GAPVD1: variants seen among roughly 807,000 people sequenced by gnomAD.
The protein encoded by GAPVD1 is GTPase activating protein and VPS9 domains 1.
GAPVD1 carries 35 observed loss-of-function variants against 155.5 expected under a neutral mutation model. The ratio of observed to expected loss-of-function variants is 0.23; its 90% confidence interval spans 0.17 to 0.30. The LOEUF (loss-of-function observed/expected upper bound fraction) is 0.30, where lower values mean the gene tolerates loss of function less well. GAPVD1 is among the 10% of genes least tolerant of loss of function. The pLI, the probability that GAPVD1 is intolerant of heterozygous loss-of-function variation, is 1.00. For synonymous variants in GAPVD1, 636 were observed against 619.7 expected, an observed-to-expected ratio of 1.03 and a Z score of -0.39; for missense variants, 1,429 against 1,775.7, an observed-to-expected ratio of 0.80 and a Z score of 3.51.
intron 9 of GAPVD1, among the ~76,000 whole-genome samples, chr9:125,313,147 T>C (rs570874817): frequency 3.3e-5 from 5 of 151,998 alleles, no homozygotes; most frequent in African/African-American, 9.6e-5. Context: ...AGGGCACTTA[T>C]TCCATTTGTG....
chr9:125,353,342 C>T (rs1021547687), intron 23 of GAPVD1, among the ~76,000 whole-genome samples: 12 of 152,142 alleles, frequency 7.9e-5, no homozygotes, highest in Admixed American at 4.6e-4. Flanking sequence ...TGGACCTTAT[C>T]GTTCATATCA....
chr9:125,264,351 C>A (rs925369787), intron 1 of GAPVD1, among the ~76,000 whole-genome samples: 2 of 152,066 alleles, frequency 1.3e-5, no homozygotes, highest in Non-Finnish European at 2.9e-5. Context: ...CCAGCCACCA[C>A]GCCTGGATAA....
At chr9:125,264,003 G>C in intron 1 of GAPVD1, 1 of 1,325,810 alleles carries the variant, frequency 7.5e-7, no homozygotes, top group East Asian at 2.3e-5. Flanking sequence ...TTGTCTGCCA[G>C]CTCTGGGTGC....
intron 12 of GAPVD1, among the ~76,000 whole-genome samples, chr9:125,327,238 C>G (rs1371554707): frequency 6.6e-6 from 1 of 151,978 alleles, no homozygotes; most frequent in African/African-American, 2.4e-5. Flanking sequence ...TGTATATACA[C>G]TAAAATTCGC....
intron 9 of GAPVD1, among the ~76,000 whole-genome samples, chr9:125,321,150 A>G (rs1844280976): frequency 6.6e-6 from 1 of 152,180 alleles, no homozygotes; most frequent in African/African-American, 2.4e-5. Flanking sequence ...TGCTGACACC[A>G]AAGACTTCTG....
intron 4 of GAPVD1, among the ~76,000 whole-genome samples, chr9:125,300,610 C>A (rs1220731170): frequency 6.6e-6 from 1 of 151,998 alleles, no homozygotes; most frequent in Non-Finnish European, 1.5e-5. Flanking sequence ...TGACAGAAAT[C>A]AGAATAATGG....
rs573108819 is a variant in GAPVD1, at chr9:125,363,050, G to C, written c.*304G>C. On this transcript the variant is annotated 3_prime_UTR_variant, in exon 28 of 28. Coordinates refer to ENST00000297933, the MANE Select transcript of GAPVD1 (RefSeq NM_001282680.3). Reference sequence around the variant, plus strand: ...TAAAAAACAAAACAAAAATCTCTTAGGAAATGTCTAGACCTCCATTCTTGG... The same window carrying C: ...TAAAAAACAAAACAAAAATCTCTTACGAAATGTCTAGACCTCCATTCTTGG... 136 of 167,684 alleles carry C rather than the reference G, an allele frequency of 8.1e-4. 3 individuals are homozygous for C. In the South Asian group the frequency reaches 8.9e-3, roughly 11 times the overall value. The allele number at this position is 167,684 out of a possible 1,614,324, so 10.4% of individuals were successfully genotyped here. A position where few individuals can be genotyped will look rare whatever the true frequency, so the allele number is the denominator to read the frequency against.
At chr9:125,317,691 G>A (rs1213722596) in intron 9 of GAPVD1, among the ~76,000 whole-genome samples, 1 of 150,984 alleles carries the variant, frequency 6.6e-6, no homozygotes, top group East Asian at 1.9e-4. Flanking sequence ...ACAGACATTG[G>A]ACTTACTCAA....
At chr9:125,265,922 T>C (rs1324508508) in intron 1 of GAPVD1, among the ~76,000 whole-genome samples, 2 of 125,028 alleles carry the variant, frequency 1.6e-5, no homozygotes, top group Non-Finnish European at 3.4e-5. Flanking sequence ...AGAAAAAATT[T>C]ATAAAAAAAA....
rs568265215 is a variant in GAPVD1 at position 125,317,714 on chromosome 9, A to AT, written c.1603-3709dup. Among the ~76,000 whole-genome samples the AT allele has an allele frequency of 7.9e-3, 1,182 of 150,024 alleles. 11 individuals carry two copies. The highest frequency in any genetic ancestry group is 0.018 in the African/African-American group (750 of 41,058). ...TGGACTTACTCAAGACTTTAAATCA[A>AT]TTTTTTTTTTAATATACTTAAAGAG... On this transcript the variant is annotated intron_variant, in intron 9 of 27. Coordinates refer to ENST00000297933, the MANE Select transcript of GAPVD1 (RefSeq NM_001282680.3).
At chr9:125,317,080 G>A in intron 9 of GAPVD1, among the ~76,000 whole-genome samples, 1 of 152,190 alleles carries the variant, frequency 6.6e-6, no homozygotes, top group East Asian at 1.9e-4. Context: ...AGCACTTTGG[G>A]AGGCGAAGGT....
At chr9:125,353,191 A>G (rs1013892344) in intron 23 of GAPVD1, among the ~76,000 whole-genome samples, 1 of 152,154 alleles carries the variant, frequency 6.6e-6, no homozygotes, top group African/African-American at 2.4e-5. Flanking sequence ...CTTCTGCCAG[A>G]TACTCTAAAT....
rs563347361 is a variant in GAPVD1, at chr9:125,273,969, TTTTTTA to T, written c.-150+5001_-150+5006del. On this transcript the variant is annotated intron_variant, in intron 2 of 27. Coordinates refer to ENST00000297933, the MANE Select transcript of GAPVD1 (RefSeq NM_001282680.3). ...TTACTAAAGTAATAAATATTCTTTG[TTTTTTA>T]TTTTTATTTTTATTTATTTATTATT... Among the ~76,000 whole-genome samples the T allele has an allele frequency of 1.6e-3, 249 of 151,660 alleles. 1 individual carries two copies. Among genetic ancestry groups the T allele is most frequent in the African/African-American group, 5.6e-3 (232 of 41,512 alleles).
Position 125,360,988 on chromosome 9 carries a change from A to G in GAPVD1, c.4242+263A>G, listed in dbSNP as rs545349948. Among the ~76,000 whole-genome samples, 59 of 152,222 alleles carry G rather than the reference A, an allele frequency of 3.9e-4. 1 individual carries two copies. The Middle Eastern group carries it at 0.014, about 35-fold the overall frequency. On this transcript the variant is annotated intron_variant, in intron 27 of 27. Coordinates refer to ENST00000297933, the MANE Select transcript of GAPVD1 (RefSeq NM_001282680.3). ...GCAATTCTCATGCCTCAGCCACCCA[A>G]ATAGCTGGGATTACAGGCGTGCGTC...
intron 25 of GAPVD1, among the ~76,000 whole-genome samples, chr9:125,356,119 T>G (rs1396326639): frequency 6.6e-6 from 1 of 152,196 alleles, no homozygotes; most frequent in Non-Finnish European, 1.5e-5. Context: ...TAACTAATCT[T>G]CCCTTCCTTC....
intron 25 of GAPVD1, among the ~76,000 whole-genome samples, chr9:125,357,986 A>AACAC (rs200675642): frequency 1.1e-4 from 17 of 150,462 alleles, no homozygotes; most frequent in African/African-American, 4.2e-4. Flanking sequence ...AAAAAAAAAA[A>AACAC]ACACACACAC....
Position 125,307,409 on chromosome 9 carries a change from A to G in GAPVD1, c.1117-4A>G, listed in dbSNP as rs1340517967. 1 of 1,582,666 alleles carries G rather than the reference A, an allele frequency of 6.3e-7. No individual in the cohort carries two copies. Among genetic ancestry groups the G allele is most frequent in the Non-Finnish European group, 8.6e-7 (1 of 1,165,618 alleles). ...GTTTCACTGTTTTTTTCCTGTTTTAACAGAGCTGTGTTGCCGCTTTCCTTG... is the reference window on the plus strand; with the variant it reads ...GTTTCACTGTTTTTTTCCTGTTTTAGCAGAGCTGTGTTGCCGCTTTCCTTG... On this transcript the variant is annotated splice_region_variant and splice_polypyrimidine_tract_variant and intron_variant, in intron 6 of 27. Coordinates refer to ENST00000297933, the MANE Select transcript of GAPVD1 (RefSeq NM_001282680.3).
intron 20 of GAPVD1, 21 bp from the exon 21 acceptor site, chr9:125,349,369 T>G (rs1217767009): frequency 5.6e-6 from 9 of 1,605,528 alleles, no homozygotes; most frequent in African/African-American, 1.3e-5. Context: ...TATCCGTTTC[T>G]TGGGGGTGGG....
At chr9:125,313,945 C>T (rs1418855302) in intron 9 of GAPVD1, among the ~76,000 whole-genome samples, 1 of 152,186 alleles carries the variant, frequency 6.6e-6, no homozygotes, top group Non-Finnish European at 1.5e-5. Context: ...GTGGTCCCAC[C>T]ATGACACACC....
Sources: allele counts gnomAD v4.1 joint callset (sites outside exome capture counted in the v4.1 genomes callset), GRCh38; gene constraint gnomAD v4.1.1; transcripts MANE v1.5; gene names NCBI Gene and HGNC (gene_info 2026-07-23, HGNC 2026-07-21).